PGAP3: variants seen among roughly 807,000 people sequenced by gnomAD.
PGAP3 encodes the protein GPI-specific phospholipase A2-like PGAP3.
Under a neutral mutation model 40.3 loss-of-function variants are expected in PGAP3, and 31 were observed. The observed-to-expected ratio is 0.77, with a 90% CI of 0.58 to 1.04. The LOEUF is 1.04. Among genes scored for constraint, PGAP3 ranks in the 50% least tolerant of loss-of-function variants. The pLI, the probability that PGAP3 is intolerant of heterozygous loss-of-function variation, is 0.00. For synonymous variants in PGAP3, 191 were observed against 184.5 expected, an observed-to-expected ratio of 1.04 and a Z score of -0.29; for missense variants, 413 against 423.0, an observed-to-expected ratio of 0.98 and a Z score of 0.21.
chr17:39,683,504 T>C (rs1287466467), intron 3 of PGAP3, among the ~76,000 whole-genome samples: 1 of 152,214 alleles, frequency 6.6e-6, no homozygotes, highest in Non-Finnish European at 1.5e-5. Flanking sequence ...GAGGGCAGAC[T>C]TCTGGATCTC....
At chr17:39,673,828 C>T in intron 5 of PGAP3, 165 bp downstream of exon 5, 2 of 1,198,160 alleles carry the variant, frequency 1.7e-6, no homozygotes, top group Admixed American at 2.1e-5. Flanking sequence ...GAGCCAGGGC[C>T]CCCAGTCCTA....
intron 3 of PGAP3, among the ~76,000 whole-genome samples, chr17:39,675,848 G>A (rs1454410373): frequency 6.6e-6 from 1 of 152,226 alleles, no homozygotes; most frequent in Non-Finnish European, 1.5e-5. Context: ...GCTGCCTAGT[G>A]CCCCTGTCTG....
intron 2 of PGAP3, 101 bp from the exon 3 acceptor site, chr17:39,684,850 G>A (rs2057489181): frequency 1.4e-6 from 2 of 1,379,488 alleles, no homozygotes; most frequent in East Asian, 5.1e-5. Flanking sequence ...CCTCAGCTGA[G>A]TCCTCAGCTC....
intron 3 of PGAP3, among the ~76,000 whole-genome samples, chr17:39,678,421 G>C (rs2057401215): frequency 2.0e-5 from 3 of 152,236 alleles, no homozygotes; most frequent in Admixed American, 2.0e-4. Context: ...TGAAGTCAAA[G>C]AGACATGGTA....
chr17:39,677,314 G>C (rs907088), intron 3 of PGAP3, among the ~76,000 whole-genome samples: 88,499 of 151,826 alleles, frequency 0.58, 26,804 homozygotes, highest in South Asian at 0.7. Context: ...CACCACGCCC[G>C]TTCACCTGCC....
rs769138537 is a variant in PGAP3, at chr17:39,684,673, A to G, written c.356T>C (p.Leu119Pro). 4 of 1,613,946 alleles carry G rather than the reference A, an allele frequency of 2.5e-6. No homozygotes were observed. Among genetic ancestry groups the G allele is most frequent in the Non-Finnish European group, 3.4e-6 (4 of 1,179,976 alleles). The change falls in exon 3 of 8, where the codon CTG (leucine) becomes CCG (proline). Residue 119 changes from leucine to proline, a missense_variant. By Grantham distance (98) the Leu-to-Pro change is moderately conservative. Coordinates refer to ENST00000300658, the MANE Select transcript of PGAP3 (RefSeq NM_033419.5). The stretch of plus-strand genomic sequence containing the variant: ...GGTGCGGTAGCGGCAGAGCATCACC[A>G]GGCTGGCCAGGCCATTGAGAAACGA... ...VASFLNGLASLVMLCRYRTFV... is the reference protein window; with the variant it reads ...VASFLNGLASPVMLCRYRTFV...
At chr17:39,687,405 C>T (rs1374398443) in intron 1 of PGAP3, among the ~76,000 whole-genome samples, 1 of 152,206 alleles carries the variant, frequency 6.6e-6, no homozygotes, top group African/African-American at 2.4e-5. Context: ...TCAAACAAAA[C>T]GTTCCAAGAT....
intron 2 of PGAP3, 89 bp from the exon 3 acceptor site, chr17:39,684,838 G>C (rs1051712373): frequency 1.4e-6 from 2 of 1,418,088 alleles, no homozygotes; most frequent in Admixed American, 2.5e-5. Flanking sequence ...GAAGCAACAG[G>C]TCCTCAGCTG....
At chr17:39,674,496 C>T in intron 4 of PGAP3, 121 bp downstream of exon 4, 3 of 1,117,758 alleles carry the variant, frequency 2.7e-6, no homozygotes, top group South Asian at 3.3e-5. Context: ...AGGATGCCCA[C>T]CCCATACTCC....
chr17:39,674,776 C>T, intron 3 of PGAP3, 97 bp from the exon 4 acceptor site: 1 of 1,231,624 alleles, frequency 8.1e-7, no homozygotes, highest in Admixed American at 2.1e-5. Context: ...TGGGAAGGGG[C>T]TCTGCAGGAC....
Position 39,673,497 on chromosome 17 carries a change from GCCCC to G in PGAP3, c.694+13_694+16del, listed in dbSNP as rs761674961. On this transcript the variant is annotated intron_variant, in intron 6 of 7. Transcript: ENST00000300658. Reference sequence around the variant, plus strand: ...GCTAGCACTTCTGCAGATGGCCCAAGCCCCCCAGGGCCTCACCAATAGCCACGTT... The same window carrying G: ...GCTAGCACTTCTGCAGATGGCCCAAGCCAGGGCCTCACCAATAGCCACGTT... The G allele has an allele frequency of 3.7e-6, 6 of 1,613,760 alleles. No individual in the cohort carries two copies. In the South Asian group the frequency reaches 6.6e-5, roughly 18 times the overall value.
rs746934856 is a variant in PGAP3 at position 39,687,942 on chromosome 17, G to A, written c.73C>T (p.Arg25Cys). 1.1e-5 allele frequency: 16 copies of A among 1,481,076 alleles called. No homozygotes were observed. The highest frequency in any genetic ancestry group is 1.5e-5 in the Non-Finnish European group (16 of 1,101,518). The allele number at this position is 1,481,076 out of a possible 1,614,324, so 91.7% of individuals were successfully genotyped here. ...ACGCAGTCGCGGTACACCGGCTCAC[G>A]GTCGCCCTGGGAGCCGCTCGCCAGC... Reference protein sequence around the residue: ...AALASGSQGDREPVYRDCVLQ... With the variant: ...AALASGSQGDCEPVYRDCVLQ... The change falls in exon 1 of 8, where the codon CGT (arginine) becomes TGT (cysteine). Residue 25 changes from arginine (R) to cysteine (C), a missense_variant. Arg to Cys is a radical substitution (Grantham distance 180, BLOSUM62 -3). Coordinates refer to ENST00000300658, the MANE Select transcript of PGAP3 (RefSeq NM_033419.5).
chr17:39,676,087 C>A (rs2057372070), intron 3 of PGAP3, among the ~76,000 whole-genome samples: 1 of 152,206 alleles, frequency 6.6e-6, no homozygotes, highest in South Asian at 2.1e-4. Context: ...GCTGCAGCCC[C>A]CTCCCCAGAG....
rs1387350742 is a variant in PGAP3, at chr17:39,687,873, G to A, written c.142C>T (p.His48Tyr). 3 of 1,502,300 alleles carry A rather than the reference G, an allele frequency of 2.0e-6. No homozygotes were observed. The highest frequency in any genetic ancestry group is 1.3e-5 in the South Asian group (1 of 79,930). 93.1% of individuals were successfully genotyped at this position (1,502,300 alleles called of 1,614,324 possible). A position where few individuals can be genotyped will look rare whatever the true frequency, so the allele number is the denominator to read the frequency against. ...TAGATTGGCTGGCGGGAGCGGAAGT[G>A]ATTCAGAGCGCCCCCAGAGCAGTTC... The part of the protein sequence containing the change: ...EQNCSGGALN[H>Y]FRSRQPIYMS... Residue 48 changes from histidine (H) to tyrosine (Y), a missense_variant, in exon 1 of 8, where the codon CAC becomes TAC. By Grantham distance (83) the His-to-Tyr change is moderately conservative. Coordinates refer to ENST00000300658, the MANE Select transcript of PGAP3 (RefSeq NM_033419.5).
At position 39,672,683 on chromosome 17, in the gene PGAP3, A is replaced by G. The variant is rs188467238; in HGVS notation, c.*120T>C. 1.5e-4 allele frequency: 163 copies of G among 1,056,984 alleles called. 2 individuals carry two copies. The African/African-American group carries it at 2.3e-3, about 15-fold the overall frequency. 65.5% of individuals were successfully genotyped at this position (1,056,984 alleles called of 1,614,324 possible). ...GCTGGCCACATGATTCTGGGCCCACATCCTTCATGTCCAAGTTCAAGAAGT... is the reference window on the plus strand; with the variant it reads ...GCTGGCCACATGATTCTGGGCCCACGTCCTTCATGTCCAAGTTCAAGAAGT... On this transcript the variant is annotated 3_prime_UTR_variant, in exon 8 of 8. Coordinates refer to ENST00000300658, the MANE Select transcript of PGAP3 (RefSeq NM_033419.5).
chr17:39,685,498 A>G (rs924220804), intron 2 of PGAP3, among the ~76,000 whole-genome samples: 7 of 151,466 alleles, frequency 4.6e-5, no homozygotes, highest in African/African-American at 1.7e-4. Flanking sequence ...TCTCAAAAAA[A>G]AAAACAAAAA....
At chr17:39,677,310 G>A (rs544967882) in intron 3 of PGAP3, among the ~76,000 whole-genome samples, 35 of 152,170 alleles carry the variant, frequency 2.3e-4, no homozygotes, top group Non-Finnish European at 4.0e-4. Context: ...CTCTCACCAC[G>A]CCCGTTCACC....
At chr17:39,679,016 G>A (rs2057408396) in intron 3 of PGAP3, among the ~76,000 whole-genome samples, 1 of 151,968 alleles carries the variant, frequency 6.6e-6, no homozygotes, top group South Asian at 2.1e-4. Flanking sequence ...GTGCAGTGGC[G>A]CCACCTTGGC....
At chr17:39,678,952 GTT>G (rs1484533115) in intron 3 of PGAP3, among the ~76,000 whole-genome samples, 1 of 152,010 alleles carries the variant, frequency 6.6e-6, no homozygotes, top group Non-Finnish European at 1.5e-5. Context: ...TGCTTTTTCT[GTT>G]TTTGTTTTTG....
Sources: gnomAD v4.1 joint callset for allele counts (sites outside exome capture counted in the v4.1 genomes callset) on GRCh38, gnomAD v4.1.1 for gene constraint, MANE v1.5 for transcripts, NCBI Gene and HGNC (gene_info 2026-07-23, HGNC 2026-07-21) for gene names.